The following GPR158 variants were observed in gnomAD, a reference collection of about 807,000 sequenced individuals.
GPR158 encodes G protein-coupled receptor 158.
In GPR158, 30 loss-of-function variants were observed where a neutral mutation model predicts 78.2. The observed-to-expected ratio is 0.38, with a 90% CI of 0.29 to 0.52. The LOEUF (loss-of-function observed/expected upper bound fraction) is 0.52. Among genes scored for constraint, GPR158 ranks in the 20% least tolerant of loss-of-function variants. The pLI is 0.83. For synonymous variants in GPR158, 581 were observed against 591.1 expected, an observed-to-expected ratio of 0.98 and a Z score of 0.25; for missense variants, 1,463 against 1,523.5, an observed-to-expected ratio of 0.96 and a Z score of 0.66.
intron 5 of GPR158, among the ~76,000 whole-genome samples, chr10:25,483,670 T>C (rs1172641279): frequency 6.6e-6 from 1 of 152,224 alleles, no homozygotes; most frequent in Non-Finnish European, 1.5e-5. Flanking sequence ...CAGTGCCTAA[T>C]ACATACTGGA....
At position 25,315,084 on chromosome 10, in the gene GPR158, G is replaced by A. The variant is rs572998272; in HGVS notation, c.1009-80827G>A. On this transcript the variant is annotated intron_variant, in intron 2 of 10. Coordinates refer to ENST00000376351, the MANE Select transcript of GPR158 (RefSeq NM_020752.3). ...TTTTGTGAATGTTTCATGTGCACTC[G>A]AGATGAAAGTGAGTTATATAGCTCA... Among the ~76,000 whole-genome samples, 4 of 151,450 alleles carry A rather than the reference G, an allele frequency of 2.6e-5. No individual in the cohort carries two copies. The East Asian group carries it at 7.7e-4, about 29-fold the overall frequency.
At chr10:25,527,680 C>G (rs1332764804) in intron 5 of GPR158, among the ~76,000 whole-genome samples, 1 of 151,722 alleles carries the variant, frequency 6.6e-6, no homozygotes, top group African/African-American at 2.4e-5. Flanking sequence ...CAAATCAAAC[C>G]CCAAACAAGT....
At chr10:25,475,850 TG>T (rs1465094151) in intron 5 of GPR158, 1 of 152,176 alleles carries the variant, frequency 6.6e-6, no homozygotes, top group Non-Finnish European at 1.5e-5. Context: ...GCTAACTCCA[TG>T]GAAGTAGGCT....
At chr10:25,265,870 A>G (rs1419537775) in intron 2 of GPR158, among the ~76,000 whole-genome samples, 2 of 152,092 alleles carry the variant, frequency 1.3e-5, no homozygotes, top group African/African-American at 2.4e-5. Context: ...CAGTCTCCAT[A>G]TGGATGCTTG....
chr10:25,594,571 T>A (rs1432435677), intron 9 of GPR158, among the ~76,000 whole-genome samples, 174 bp downstream of exon 9: 1 of 152,162 alleles, frequency 6.6e-6, no homozygotes, highest in African/African-American at 2.4e-5. Flanking sequence ...ACTTCTTAAA[T>A]AATTTTTAAA....
At position 25,589,046 on chromosome 10, in the gene GPR158, A is replaced by C. The variant is rs201510715; in HGVS notation, c.1793A>C (p.Tyr598Ser). The C allele has an allele frequency of 2.5e-6, 4 of 1,609,202 alleles. No homozygotes were observed. The Admixed American group carries it at 5.0e-5, about 20-fold the overall frequency. ...LFLLWGVYLC[Y>S]AVRTVPSAFH... ...CTCTTGTGGGGTGTTTATCTCTGCT[A>C]TGCAGTGCGGACAGTCCCATCGGCA... The change falls in exon 8 of 11, where the codon TAT (tyrosine) becomes TCT (serine). Residue 598 changes from tyrosine to serine, a missense_variant. Physicochemically the swap from Tyr to Ser is moderately radical, Grantham distance 144. Transcript: ENST00000376351.
chr10:25,243,797 C>T (rs1352464626), intron 2 of GPR158, among the ~76,000 whole-genome samples: 2 of 152,114 alleles, frequency 1.3e-5, no homozygotes, highest in African/African-American at 4.8e-5. Flanking sequence ...AATAGAATTG[C>T]ATGTTTATTG....
intron 4 of GPR158, among the ~76,000 whole-genome samples, chr10:25,442,195 AAGG>A (rs1564456793): frequency 6.8e-6 from 1 of 146,852 alleles, no homozygotes; most frequent in Non-Finnish European, 1.5e-5. Context: ...CAAGAACAGA[AAGG>A]AGTTTTAAGG....
At chr10:25,596,066 A>G (rs1370068554) in intron 9 of GPR158, among the ~76,000 whole-genome samples, 1 of 152,198 alleles carries the variant, frequency 6.6e-6, no homozygotes, top group African/African-American at 2.4e-5. Context: ...AGTATTTTAA[A>G]TAGTATTTTA....
chr10:25,182,103 A>C (rs1048319835), intron 1 of GPR158, among the ~76,000 whole-genome samples: 2 of 152,128 alleles, frequency 1.3e-5, no homozygotes, highest in African/African-American at 2.4e-5. Context: ...GAACATGTTC[A>C]TATGTTCCAT....
Position 25,598,386 on chromosome 10 carries a change from C to G in GPR158, c.2760C>G (p.Thr920=), listed in dbSNP as rs369998736. Residue 920 remains threonine (T), a synonymous_variant, in exon 11 of 11, where the codon ACC becomes ACG. Transcript: ENST00000376351. ...KEKTLGLAGK[T]QTAGVEERTK... is the part of the protein sequence containing the mutation. Reference sequence around the variant, plus strand: ...AGACTCTTGGATTAGCTGGGAAAACCCAAACAGCAGGTGTGGAAGAACGCA... The same window carrying G: ...AGACTCTTGGATTAGCTGGGAAAACGCAAACAGCAGGTGTGGAAGAACGCA... 11 of 1,613,956 alleles carry G rather than the reference C, an allele frequency of 6.8e-6. No homozygotes were observed. Among genetic ancestry groups the G allele is most frequent in the African/African-American group, 1.3e-5 (1 of 74,902 alleles).
intron 5 of GPR158, among the ~76,000 whole-genome samples, chr10:25,484,824 TCCAGGACACATAAG>T (rs1467499027): frequency 9.2e-5 from 14 of 152,292 alleles, no homozygotes; most frequent in Middle Eastern, 3.4e-3. Flanking sequence ...CCCATGCAGG[TCCAGGACACATAAG>T]TAATTATTCA....
chr10:25,512,516 C>T (rs1836098773), intron 5 of GPR158, among the ~76,000 whole-genome samples: 1 of 152,062 alleles, frequency 6.6e-6, no homozygotes, highest in South Asian at 2.1e-4. Context: ...AATTTTGATG[C>T]CCTTTATTTC....
At chr10:25,251,268 A>G (rs1346104397) in intron 2 of GPR158, among the ~76,000 whole-genome samples, 1 of 152,052 alleles carries the variant, frequency 6.6e-6, no homozygotes, top group Non-Finnish European at 1.5e-5. Context: ...TCTTTATCCA[A>G]TTTGCCAGTC....
chr10:25,260,275 T>C (rs978240511), intron 2 of GPR158, among the ~76,000 whole-genome samples: 4 of 152,104 alleles, frequency 2.6e-5, no homozygotes, highest in Non-Finnish European at 4.4e-5. Context: ...CTTTTTCCCC[T>C]TATAACTCTC....
intron 2 of GPR158, among the ~76,000 whole-genome samples, chr10:25,288,086 C>T (rs999179806): frequency 6.6e-5 from 10 of 152,086 alleles, no homozygotes; most frequent in African/African-American, 2.4e-4. Context: ...ATGCATAATG[C>T]ATACTATGTG....
At chr10:25,179,448 A>T (rs1852586952) in intron 1 of GPR158, among the ~76,000 whole-genome samples, 1 of 152,228 alleles carries the variant, frequency 6.6e-6, no homozygotes, top group African/African-American at 2.4e-5. Flanking sequence ...AGATTCAGAC[A>T]TTTAAATTAA....
intron 2 of GPR158, among the ~76,000 whole-genome samples, chr10:25,269,412 T>G (rs1414440092): frequency 6.6e-6 from 1 of 152,212 alleles, no homozygotes; most frequent in Non-Finnish European, 1.5e-5. Flanking sequence ...AAAGTGTTTG[T>G]TAATCCTATG....
At chr10:25,431,381 A>G (rs1834902874) in intron 4 of GPR158, among the ~76,000 whole-genome samples, 1 of 148,412 alleles carries the variant, frequency 6.7e-6, no homozygotes, top group Admixed American at 6.8e-5. Context: ...GAGGATGTGG[A>G]GAAATAGGAA....
Sources: allele counts gnomAD v4.1 joint callset (sites outside exome capture counted in the v4.1 genomes callset), GRCh38; gene constraint gnomAD v4.1.1; transcripts MANE v1.5; gene names NCBI Gene and HGNC (gene_info 2026-07-23, HGNC 2026-07-21).